BCL11A: variants seen among roughly 807,000 people sequenced by gnomAD.
BCL11A encodes the protein BCL11 transcription factor A, also known as B cell CLL/lymphoma 11A.
In BCL11A, 2 loss-of-function variants were observed where a neutral mutation model predicts 55.9. The ratio of observed to expected loss-of-function variants is 0.04; its 90% CI spans 0.01 to 0.11. The LOEUF is 0.11. Among genes scored for constraint, BCL11A ranks in the 10% least tolerant of loss-of-function variants. The pLI is 1.00. For synonymous variants in BCL11A, 465 were observed against 473.4 expected (o/e 0.98, Z 0.23); for missense variants, 817 against 1,137.1 (o/e 0.72, Z 4.05).
chr2:60,511,845 G>T (rs1680006912), intron 2 of BCL11A, among the ~76,000 whole-genome samples: 1 of 152,200 alleles, frequency 6.6e-6, no homozygotes, highest in South Asian at 2.1e-4. Context: ...TGAAGGCAAG[G>T]GTTGGAGGGA....
intron 2 of BCL11A, chr2:60,508,671 G>C (rs1218545773): frequency 6.6e-6 from 1 of 152,242 alleles, no homozygotes; most frequent in East Asian, 1.9e-4. Flanking sequence ...GCAGGAAACA[G>C]CCTCAGCTTG....
intron 1 of BCL11A, among the ~76,000 whole-genome samples, chr2:60,552,890 G>C: frequency 6.6e-6 from 1 of 151,950 alleles, no homozygotes; most frequent in Middle Eastern, 3.4e-3. Context: ...AAACTGGCGG[G>C]GCGGGGGGGG....
downstream of BCL11A, among the ~76,000 whole-genome samples, chr2:60,455,587 T>C (rs1675903943): frequency 6.6e-6 from 1 of 152,206 alleles, no homozygotes; most frequent in African/African-American, 2.4e-5. Flanking sequence ...TTTGCACTCC[T>C]CCCCATTCCC....
chr2:60,553,363 G>T lies in BCL11A; in HGVS notation c.-93C>A. Reference sequence around the variant, plus strand: ...TCGGGAGAGCCGGGTTAGAAAGAAGGAGACTCCAGAGAAAATATCTTCATC... The same window carrying T: ...TCGGGAGAGCCGGGTTAGAAAGAAGTAGACTCCAGAGAAAATATCTTCATC... On this transcript the variant is annotated 5_prime_UTR_variant, in exon 1 of 4. Transcript: ENST00000642384. 7.7e-7 allele frequency: 1 copy of T among 1,297,378 alleles called. No individual in the cohort carries two copies. Among genetic ancestry groups the T allele is most frequent in the Non-Finnish European group, 1.1e-6 (1 of 939,624 alleles). 80.4% of individuals were successfully genotyped at this position (1,297,378 alleles called of 1,614,324 possible).
intron 2 of BCL11A, among the ~76,000 whole-genome samples, chr2:60,515,744 T>G (rs1424353101): frequency 1.3e-5 from 2 of 152,202 alleles, no homozygotes; most frequent in Non-Finnish European, 2.9e-5. Flanking sequence ...GTGAGTGGAC[T>G]GACACAGACA....
chr2:60,532,759 T>C (rs1389631324), intron 2 of BCL11A: 1 of 152,200 alleles, frequency 6.6e-6, no homozygotes, highest in Non-Finnish European at 1.5e-5. Flanking sequence ...GTACAATTTT[T>C]TTAAAGGTAG....
chr2:60,502,892 G>A (rs1360292111), intron 2 of BCL11A, among the ~76,000 whole-genome samples: 1 of 152,200 alleles, frequency 6.6e-6, no homozygotes, highest in Non-Finnish European at 1.5e-5. Context: ...GCTGGGGAAG[G>A]AGTGAACCAG....
chr2:60,515,273 C>T (rs529225242), intron 2 of BCL11A, among the ~76,000 whole-genome samples: 1 of 152,326 alleles, frequency 6.6e-6, no homozygotes, highest in South Asian at 2.1e-4. Flanking sequence ...GGGAAATAAA[C>T]TTGCCCAGCC....
At chr2:60,492,615 C>CCTCTCTCTCT (rs3028027) in intron 2 of BCL11A, among the ~76,000 whole-genome samples, 8 of 144,620 alleles carry the variant, frequency 5.5e-5, no homozygotes, top group African/African-American at 1.5e-4. Context: ...AGTGGGCCTC[C>CCTCTCTCTCT]CTCTCTCTCT....
At position 60,459,718 on chromosome 2, in the gene BCL11A, T is replaced by C. The variant is rs962272587; in HGVS notation, c.*686A>G. On this transcript the variant is annotated 3_prime_UTR_variant, in exon 4 of 4. Transcript: ENST00000642384. ...ACCAAATGATAGAATAAACTTGTTC[T>C]GTTTTTCTGTTAATTTGTCAATTCA... The C allele has an allele frequency of 9.6e-7, 1 of 1,037,702 alleles. No individual in the cohort carries two copies. Among genetic ancestry groups the C allele is most frequent in the South Asian group, 4.6e-5 (1 of 21,742 alleles). 64.3% of individuals were successfully genotyped at this position (1,037,702 alleles called of 1,614,324 possible).
intron 2 of BCL11A, among the ~76,000 whole-genome samples, chr2:60,540,464 C>T (rs994714599): frequency 1.3e-5 from 2 of 152,134 alleles, no homozygotes; most frequent in African/African-American, 2.4e-5. Flanking sequence ...CTTTCTACTT[C>T]GGTTAAATTT....
At chr2:60,510,427 C>T (rs959896229) in intron 2 of BCL11A, among the ~76,000 whole-genome samples, 1 of 152,210 alleles carries the variant, frequency 6.6e-6, no homozygotes, top group Non-Finnish European at 1.5e-5. Flanking sequence ...AACTTCCTCA[C>T]CTCTTTGGAG....
chr2:60,460,785 C>T lies in BCL11A; in HGVS notation c.2127G>A (p.Gly709=). The change falls in exon 4 of 4, where the codon GGG becomes GGA. Residue 709 remains glycine (G), a synonymous_variant. Coordinates refer to ENST00000642384, the MANE Select transcript of BCL11A (RefSeq NM_022893.4). Reference sequence around the variant, plus strand: ...TTCCCGTGCCGCTGCGCCCCGAGATCCCTCCGTCCAGCTCCCCGGGCGGTG... The same window carrying T: ...TTCCCGTGCCGCTGCGCCCCGAGATTCCTCCGTCCAGCTCCCCGGGCGGTG... ...FSTPPGELDG[G]ISGRSGTGSG... 3 of 1,613,270 alleles carry T rather than the reference C, an allele frequency of 1.9e-6. No homozygotes were observed. Among genetic ancestry groups the T allele is most frequent in the Non-Finnish European group, 1.7e-6 (2 of 1,180,044 alleles).
chr2:60,517,373 A>T (rs1188166585), intron 2 of BCL11A, among the ~76,000 whole-genome samples: 1 of 152,248 alleles, frequency 6.6e-6, no homozygotes, highest in Non-Finnish European at 1.5e-5. Flanking sequence ...TAGGAAGACC[A>T]GCCCCGAAAA....
chr2:60,452,558 G>A, downstream of BCL11A: 1 of 1,608,354 alleles, frequency 6.2e-7, no homozygotes, highest in Non-Finnish European at 8.5e-7. Context: ...CCCCACCCCT[G>A]GGGGCTTCAA....
intron 3 of BCL11A, among the ~76,000 whole-genome samples, chr2:60,464,750 G>A (rs1676505494): frequency 6.6e-6 from 1 of 152,158 alleles, no homozygotes; most frequent in Non-Finnish European, 1.5e-5. Flanking sequence ...AGGCTTAAAT[G>A]AGAAAAGTCC....
chr2:60,508,665 G>A (rs1679784833), intron 2 of BCL11A: 1 of 152,246 alleles, frequency 6.6e-6, no homozygotes, highest in Admixed American at 6.5e-5. Context: ...GACACGGCAG[G>A]AAACAGCCTC....
chr2:60,541,002 T>G (rs566522137), intron 2 of BCL11A, among the ~76,000 whole-genome samples: 168 of 148,032 alleles, frequency 1.1e-3, no homozygotes, highest in African/African-American at 3.9e-3. Flanking sequence ...GGTTATTTTG[T>G]TTTTTTGTTT....
At position 60,461,465 on chromosome 2, in the gene BCL11A, C is replaced by G. The variant is rs761062372; in HGVS notation, c.1447G>C (p.Gly483Arg). 1.7e-5 allele frequency: 27 copies of G among 1,604,368 alleles called. No homozygotes were observed. The highest frequency in any genetic ancestry group is 2.0e-5 in the Non-Finnish European group (24 of 1,179,634). Reference sequence around the variant, plus strand: ...TCGTCCTCCTCTTCCTCCTCGTCCCCGTTCTCCGGGATCAGGTTGGGGTCG... The same window carrying G: ...TCGTCCTCCTCTTCCTCCTCGTCCCGGTTCTCCGGGATCAGGTTGGGGTCG... ...ENDPNLIPENGDEEEEEDDEE... is the reference protein window; with the variant it reads ...ENDPNLIPENRDEEEEEDDEE... The change falls in exon 4 of 4, where the codon GGG becomes CGG. Residue 483 changes from glycine (G) to arginine (R), a missense_variant. Coordinates refer to ENST00000642384, the MANE Select transcript of BCL11A (RefSeq NM_022893.4).
Sources: gnomAD v4.1 joint callset for allele counts (sites outside exome capture counted in the v4.1 genomes callset) on GRCh38, gnomAD v4.1.1 for gene constraint, MANE v1.5 for transcripts, NCBI Gene and HGNC (gene_info 2026-07-23, HGNC 2026-07-21) for gene names.